ACSM1: variants seen among roughly 807,000 people sequenced by gnomAD.
ACSM1 encodes acyl-coenzyme A synthetase ACSM1, mitochondrial.
A neutral mutation model predicts 75.8 loss-of-function variants in ACSM1; 79 were observed. The observed-to-expected ratio is 1.04, with a 90% confidence interval of 0.87 to 1.26. The LOEUF (loss-of-function observed/expected upper bound fraction) is 1.26, where lower values mean the gene tolerates loss of function less well. ACSM1 is among the 50% of genes most tolerant of loss of function. ACSM1 has a pLI of 0.00. For synonymous variants in ACSM1, 279 were observed against 265.8 expected (o/e 1.05, Z -0.48); for missense variants, 676 against 720.1 (o/e 0.94, Z 0.70).
intron 6 of ACSM1, among the ~76,000 whole-genome samples, chr16:20,663,732 T>C (rs904804205): frequency 6.6e-6 from 1 of 151,298 alleles, no homozygotes; most frequent in Admixed American, 6.6e-5. Context: ...CCTTAATTGC[T>C]GGTATCTTTC....
chr16:20,640,549 C>T lies in ACSM1; in HGVS notation c.1028G>A (p.Gly343Asp). Reference sequence around the variant, plus strand: ...ATCCTTGGGCAACACGACCTCCCCGCCAGTATAGCAGTGCTCCAGGGCAGG... The same window carrying T: ...ATCCTTGGGCAACACGACCTCCCCGTCAGTATAGCAGTGCTCCAGGGCAGG... ...RFPALEHCYT[G>D]GEVVLPKDQE... Residue 343 changes from glycine to aspartate, a missense_variant, in exon 8 of 14, where the codon GGC becomes GAC. Coordinates refer to ENST00000520010, the MANE Select transcript of ACSM1 (RefSeq NM_001318890.3). 6.2e-7 allele frequency: 1 copy of T among 1,614,210 alleles called. No homozygotes were observed. Among genetic ancestry groups the T allele is most frequent in the Non-Finnish European group, 8.5e-7 (1 of 1,180,016 alleles).
intron 10 of ACSM1, among the ~76,000 whole-genome samples, chr16:20,631,474 A>G (rs1395223615): frequency 6.6e-6 from 1 of 152,234 alleles, no homozygotes; most frequent in Non-Finnish European, 1.5e-5. Context: ...TCCTTCAAGA[A>G]CTAAAAGTAG....
At chr16:20,684,735 A>G (rs1392771359) in intron 3 of ACSM1, among the ~76,000 whole-genome samples, 1 of 152,202 alleles carries the variant, frequency 6.6e-6, no homozygotes, top group African/African-American at 2.4e-5. Context: ...TAAATAATTC[A>G]GTAAGAAAGG....
At chr16:20,688,200 G>A (rs933494428) in intron 2 of ACSM1, among the ~76,000 whole-genome samples, 1 of 151,954 alleles carries the variant, frequency 6.6e-6, no homozygotes, top group Non-Finnish European at 1.5e-5. Context: ...ATTCAAATAG[G>A]TAGAAGAAAA....
intron 2 of ACSM1, among the ~76,000 whole-genome samples, chr16:20,685,832 C>CAAAAAA (rs1469791653): frequency 1.4e-5 from 1 of 72,132 alleles, no homozygotes; most frequent in Non-Finnish European, 2.5e-5. Context: ...AAAAAAAAAA[C>CAAAAAA]AAACAAAAAA....
rs183816968 is a variant in ACSM1 at position 20,692,899 on chromosome 16, A to G, written c.-51-1660T>C. ...AAAAATTAGAGCTTAGGCCAGGCAC[A>G]GTGGCTCATGCCTATAATCCCAGCC... On this transcript the variant is annotated intron_variant, in intron 1 of 13. Coordinates refer to ENST00000520010, the MANE Select transcript of ACSM1 (RefSeq NM_001318890.3). 5.1e-3 allele frequency among the ~76,000 whole-genome samples: 773 copies of G among 152,210 alleles called. 22 individuals carry two copies. Among genetic ancestry groups the G allele is most frequent in the Admixed American group, 0.045 (688 of 15,278 alleles).
At chr16:20,667,950 T>C (rs990123045) in intron 6 of ACSM1, among the ~76,000 whole-genome samples, 2 of 152,110 alleles carry the variant, frequency 1.3e-5, no homozygotes, top group Admixed American at 6.5e-5. Flanking sequence ...GAACTAAACA[T>C]TGAATACACA....
intron 10 of ACSM1, among the ~76,000 whole-genome samples, chr16:20,631,765 A>G (rs542345747): frequency 1.3e-5 from 2 of 152,340 alleles, no homozygotes; most frequent in South Asian, 4.1e-4. Flanking sequence ...TAACTCAGAA[A>G]TGGAAAACCA....
intron 8 of ACSM1, 44 bp from the exon 9 acceptor site, chr16:20,637,495 G>C (rs910194581): frequency 1.3e-6 from 2 of 1,497,490 alleles, no homozygotes; most frequent in Admixed American, 1.7e-5. Context: ...AGAGAGGCCA[G>C]GCTGATCACA....
At chr16:20,659,852 T>C (rs144111958) in intron 7 of ACSM1, among the ~76,000 whole-genome samples, 1,640 of 152,272 alleles carry the variant, frequency 0.011, 35 homozygotes, top group African/African-American at 0.037. Context: ...ACCTGAACAT[T>C]TCCTTTGATC....
chr16:20,624,513 G>A (rs1201950773), intron 12 of ACSM1, among the ~76,000 whole-genome samples: 1 of 151,946 alleles, frequency 6.6e-6, no homozygotes, highest in African/African-American at 2.4e-5. Context: ...CATCCAGCTA[G>A]TTTACTTTTA....
chr16:20,675,283 C>T (rs540164196), intron 4 of ACSM1, among the ~76,000 whole-genome samples: 4 of 152,182 alleles, frequency 2.6e-5, no homozygotes, highest in East Asian at 1.9e-4. Context: ...GTGAAAGAGA[C>T]GGTCTCAGGA....
In ACSM1 at chr16:20,685,832, C is replaced by CA. The variant is rs1469791653; in HGVS notation, c.193-430dup. On this transcript the variant is annotated intron_variant, in intron 2 of 13. Coordinates refer to ENST00000520010, the MANE Select transcript of ACSM1 (RefSeq NM_001318890.3). ...GAGACTCCGTCTCAAAAAAAAAAAA[C>CA]AAACAAAAAAAAAACAAAAAACTTA... 3.9e-3 allele frequency among the ~76,000 whole-genome samples: 282 copies of CA among 72,118 alleles called. 11 individuals carry two copies. Among genetic ancestry groups the CA allele is most frequent in the African/African-American group, 0.01 (158 of 15,466 alleles). 47.3% of individuals were successfully genotyped at this position (72,118 alleles called of 152,430 possible).
chr16:20,646,232 T>C (rs1332780957), intron 7 of ACSM1, among the ~76,000 whole-genome samples: 1 of 152,164 alleles, frequency 6.6e-6, no homozygotes, highest in East Asian at 1.9e-4. Context: ...CTGCTTCCAG[T>C]GCAGTCTACA....
chr16:20,663,457 T>A (rs559375493), intron 6 of ACSM1, among the ~76,000 whole-genome samples: 2 of 152,178 alleles, frequency 1.3e-5, no homozygotes, highest in South Asian at 4.1e-4. Context: ...CCTTATGCAC[T>A]CTTAACTTGT....
intron 10 of ACSM1, among the ~76,000 whole-genome samples, chr16:20,635,567 GTTTAA>G (rs994300916): frequency 6.6e-6 from 1 of 150,722 alleles, no homozygotes; most frequent in Admixed American, 6.6e-5. Flanking sequence ...GTTACCCCAT[GTTTAA>G]TTTTTCTTTT....
At chr16:20,635,924 C>G (rs2152208160) in intron 10 of ACSM1, among the ~76,000 whole-genome samples, 1 of 152,242 alleles carries the variant, frequency 6.6e-6, no homozygotes, top group South Asian at 2.1e-4. Flanking sequence ...CAAGTGTGAG[C>G]CACCCCACCC....
intron 10 of ACSM1, among the ~76,000 whole-genome samples, chr16:20,631,289 A>G (rs2017327019): frequency 1.3e-5 from 2 of 152,194 alleles, no homozygotes; most frequent in Admixed American, 1.3e-4. Flanking sequence ...TAATATCACT[A>G]ATCATCAAGG....
chr16:20,685,461 T>C (rs1181482936), intron 2 of ACSM1, 58 bp from the exon 3 acceptor site: 1 of 1,486,032 alleles, frequency 6.7e-7, no homozygotes, highest in African/African-American at 1.4e-5. Flanking sequence ...GGGCACTTAG[T>C]AAACTAATCC....
Sources: allele counts gnomAD v4.1 joint callset (sites outside exome capture counted in the v4.1 genomes callset), GRCh38; gene constraint gnomAD v4.1.1; transcripts MANE v1.5; gene names NCBI Gene and HGNC (gene_info 2026-07-23, HGNC 2026-07-21).